Variants in MTMR2 observed in about 807,000 individuals in gnomAD.
MTMR2 encodes the protein phosphatidylinositol-3,5-bisphosphate 3-phosphatase MTMR2.
In MTMR2, 55 loss-of-function variants were observed where a neutral mutation model predicts 86.9. That is an observed-to-expected ratio of 0.63 (90% confidence interval 0.51 to 0.79). The LOEUF (loss-of-function observed/expected upper bound fraction) is 0.79. Among genes scored for constraint, MTMR2 ranks in the 30% least tolerant of loss-of-function variants. The probability of loss-of-function intolerance (pLI) is 0.00; values close to 1 mark genes in which losing one functional copy is unlikely to be tolerated. For missense variants in MTMR2, 659 were observed against 772.3 expected (o/e 0.85, Z 1.74); for synonymous variants, 241 against 266.8 (o/e 0.90, Z 0.94).
chr11:95,901,912 C>G (rs1259712734), intron 1 of MTMR2, among the ~76,000 whole-genome samples: 1 of 151,852 alleles, frequency 6.6e-6, no homozygotes, highest in African/African-American at 2.4e-5. Context: ...AGTTTTTGGA[C>G]AACAAAAAAC....
intron 10 of MTMR2, among the ~76,000 whole-genome samples, chr11:95,846,832 T>C (rs943448144): frequency 2.6e-5 from 4 of 152,286 alleles, no homozygotes; most frequent in African/African-American, 9.6e-5. Flanking sequence ...GTTTATACTT[T>C]GTGATTTTCA....
intron 2 of MTMR2, among the ~76,000 whole-genome samples, chr11:95,874,806 C>G (rs1190833053): frequency 2.0e-5 from 3 of 152,152 alleles, no homozygotes; most frequent in Admixed American, 2.0e-4. Flanking sequence ...ACAAAAATCT[C>G]TCAGCATTTG....
intron 5 of MTMR2, among the ~76,000 whole-genome samples, chr11:95,858,978 A>T (rs146151711): frequency 7.2e-4 from 109 of 152,322 alleles, no homozygotes; most frequent in Non-Finnish European, 1.1e-3. Context: ...AACTATCAGC[A>T]TATGTGCTTT....
chr11:95,874,660 T>C (rs1360734506), intron 2 of MTMR2, among the ~76,000 whole-genome samples: 1 of 152,176 alleles, frequency 6.6e-6, no homozygotes, highest in Non-Finnish European at 1.5e-5. Flanking sequence ...GTTATTTTGC[T>C]CGTTAGTTGA....
chr11:95,902,392 G>A (rs540943286), intron 1 of MTMR2, among the ~76,000 whole-genome samples: 2 of 152,278 alleles, frequency 1.3e-5, no homozygotes, highest in East Asian at 3.9e-4. Context: ...TGAAGTGGAA[G>A]CCCCAGATTG....
At chr11:95,870,817 T>C (rs772186217) in intron 2 of MTMR2, among the ~76,000 whole-genome samples, 18 of 151,608 alleles carry the variant, frequency 1.2e-4, no homozygotes, top group African/African-American at 1.5e-4. Context: ...ACATGTGCCA[T>C]GTTAGTGTGT....
intron 2 of MTMR2, among the ~76,000 whole-genome samples, chr11:95,876,059 G>A (rs1865098329): frequency 6.6e-6 from 1 of 152,232 alleles, no homozygotes; most frequent in Non-Finnish European, 1.5e-5. Context: ...AGACCCACTT[G>A]AGGAGGCAGT....
intron 10 of MTMR2, among the ~76,000 whole-genome samples, chr11:95,846,193 G>A (rs946063040): frequency 2.0e-5 from 3 of 152,126 alleles, no homozygotes; most frequent in Admixed American, 6.5e-5. Flanking sequence ...GTGCATATAC[G>A]AAGTTAAGAA....
intron 2 of MTMR2, chr11:95,887,478 A>G (rs1865554932): frequency 6.6e-6 from 1 of 152,220 alleles, no homozygotes; most frequent in African/African-American, 2.4e-5. Context: ...CATATAATTC[A>G]TTTTCTCAAT....
At chr11:95,886,993 T>C (rs746295987) in intron 2 of MTMR2, among the ~76,000 whole-genome samples, 2 of 152,216 alleles carry the variant, frequency 1.3e-5, no homozygotes, top group African/African-American at 4.8e-5. Flanking sequence ...ATAAGATATA[T>C]GCAGATTACG....
At chr11:95,865,332 C>A in intron 3 of MTMR2, 2 of 427,720 alleles carry the variant, frequency 4.7e-6, no homozygotes, top group Non-Finnish European at 8.4e-6. Context: ...CAAAAATCCA[C>A]CTACTTTTAA....
chr11:95,866,250 T>C (rs1864613155), intron 2 of MTMR2, among the ~76,000 whole-genome samples: 1 of 152,192 alleles, frequency 6.6e-6, no homozygotes, highest in Non-Finnish European at 1.5e-5. Context: ...TTTTGAAGGA[T>C]GCTACACTAT....
rs371414087 is a variant in MTMR2 at position 95,884,541 on chromosome 11, C to G, written c.186+3615G>C. ...ACATGATTTCATTCACCCTTTCTGA[C>G]TGTCAGGTTTCTCATTTGTCAAATG... On this transcript the variant is annotated intron_variant, in intron 2 of 14. Transcript: ENST00000346299. Among the ~76,000 whole-genome samples, 7 of 152,144 alleles carry G rather than the reference C, an allele frequency of 4.6e-5. 1 individual carries two copies. In the East Asian group the frequency reaches 1.3e-3, roughly 29 times the overall value.
intron 5 of MTMR2, among the ~76,000 whole-genome samples, 158 bp downstream of exon 5, chr11:95,861,833 TA>T (rs1264406553): frequency 1.3e-5 from 2 of 152,234 alleles, no homozygotes; most frequent in African/African-American, 4.8e-5. Flanking sequence ...CCTTTTCTAT[TA>T]CTGCTAAATT....
At chr11:95,871,762 G>T (rs1591007627) in intron 2 of MTMR2, among the ~76,000 whole-genome samples, 2 of 152,244 alleles carry the variant, frequency 1.3e-5, no homozygotes, top group South Asian at 4.1e-4. Context: ...GTCAATTTTG[G>T]CTTTTGTTGC....
At chr11:95,883,361 TAAA>T (rs1197773615) in intron 2 of MTMR2, among the ~76,000 whole-genome samples, 1 of 152,216 alleles carries the variant, frequency 6.6e-6, no homozygotes, top group African/African-American at 2.4e-5. Flanking sequence ...TATGTTTTAG[TAAA>T]AACAAGCCTA....
In MTMR2 at chr11:95,916,696, T is replaced by G. The variant is rs1244653483; in HGVS notation, c.80+7179A>C. On this transcript the variant is annotated intron_variant, in intron 1 of 14. Transcript: ENST00000346299. ...TTTCCAAATAACAGTGTTTAAATTTTTAATTAAAATATATTTTACAGGTAA... is the reference window on the plus strand; with the variant it reads ...TTTCCAAATAACAGTGTTTAAATTTGTAATTAAAATATATTTTACAGGTAA... 2.0e-5 allele frequency among the ~76,000 whole-genome samples: 3 copies of G among 152,174 alleles called. No individual in the cohort carries two copies. The East Asian group carries it at 5.8e-4, about 29-fold the overall frequency.
chr11:95,854,124 G>A (rs115691371), intron 7 of MTMR2, among the ~76,000 whole-genome samples: 283 of 152,182 alleles, frequency 1.9e-3, no homozygotes, highest in African/African-American at 6.5e-3. Context: ...TCTTAGATAA[G>A]CCGACACACC....
At chr11:95,913,314 G>C (rs568639987) in intron 1 of MTMR2, among the ~76,000 whole-genome samples, 283 of 152,166 alleles carry the variant, frequency 1.9e-3, no homozygotes, top group African/African-American at 6.3e-3. Context: ...ACACTAAATA[G>C]CTCTATGACC....
Sources: allele counts gnomAD v4.1 joint callset (sites outside exome capture counted in the v4.1 genomes callset), GRCh38; gene constraint gnomAD v4.1.1; transcripts MANE v1.5; gene names NCBI Gene and HGNC (gene_info 2026-07-23, HGNC 2026-07-21).